Variants in TMEM94 observed in about 807,000 individuals in gnomAD.
The protein encoded by TMEM94 is ER Mg2+ ATPase.
Under a neutral mutation model 158.6 loss-of-function variants are expected in TMEM94, and 81 were observed. The ratio of observed to expected loss-of-function variants is 0.51; its 90% confidence interval spans 0.43 to 0.61. The LOEUF (loss-of-function observed/expected upper bound fraction) is 0.61, where lower values mean the gene tolerates loss of function less well. Ranked by LOEUF, TMEM94 falls within the 20% of genes least tolerant of loss-of-function variation. The pLI, the probability that TMEM94 is intolerant of heterozygous loss-of-function variation, is 0.00. For synonymous variants in TMEM94, 751 were observed against 730.7 expected (o/e 1.03, Z -0.45); for missense variants, 1,435 against 1,762.0 (o/e 0.81, Z 3.32).
chr17:75,491,753 G>T lies in TMEM94; in HGVS notation c.1449G>T (p.Glu483Asp). The T allele has an allele frequency of 6.2e-7, 1 of 1,614,050 alleles. No homozygotes were observed. The highest frequency in any genetic ancestry group is 1.1e-5 in the South Asian group (1 of 91,088). ...SLNNTLHLSNEQERGDWPGEA... is the reference protein window; with the variant it reads ...SLNNTLHLSNDQERGDWPGEA... ...ACAACACCCTGCACCTTTCCAATGA[G>T]CAGGAGCGTGGCGACTGGCCTGGCG... is the stretch of plus-strand genomic sequence containing the variant. The change falls in exon 14 of 32, where the codon GAG becomes GAT. Residue 483 changes from glutamate (E) to aspartate (D), a missense_variant. Transcript: ENST00000314256. This position sits in a 1 kb window ranked among gnomAD's most constrained non-coding sequence, Gnocchi z 5.1.
Position 75,494,597 on chromosome 17 carries a change from C to G in TMEM94, c.2408-30C>G, listed in dbSNP as rs144257413. 4 of 1,606,608 alleles carry G rather than the reference C, an allele frequency of 2.5e-6. No individual in the cohort carries two copies. In the African/African-American group the frequency reaches 4.0e-5, roughly 16 times the overall value. On this transcript the variant is annotated intron_variant, in intron 18 of 31. Coordinates refer to ENST00000314256, the MANE Select transcript of TMEM94 (RefSeq NM_014738.6). Reference sequence around the variant, plus strand: ...TGGGCTGGTTCCTGGGTGTCCTGATCGGGCTGTGTCCTGTGTGTCCTGCCT... The same window carrying G: ...TGGGCTGGTTCCTGGGTGTCCTGATGGGGCTGTGTCCTGTGTGTCCTGCCT...
intron 2 of TMEM94, among the ~76,000 whole-genome samples, chr17:75,482,390 C>T (rs2051233149): frequency 6.6e-6 from 1 of 151,812 alleles, no homozygotes; most frequent in Non-Finnish European, 1.5e-5. Flanking sequence ...TGAGTGTAGT[C>T]CCAGCCACTC....
chr17:75,464,685 TTCTTTC>T (rs1293458047), intron 1 of TMEM94, among the ~76,000 whole-genome samples: 2 of 68,740 alleles, frequency 2.9e-5, no homozygotes, highest in Non-Finnish European at 9.0e-5. Context: ...CCTTCTTTCT[TTCTTTC>T]TTTCTTTCTT....
Position 75,485,324 on chromosome 17 carries a change from A to T in TMEM94, c.25-104A>T. 6 of 1,333,756 alleles carry T rather than the reference A, an allele frequency of 4.5e-6. No individual in the cohort carries two copies. Among genetic ancestry groups the T allele is most frequent in the Non-Finnish European group, 6.2e-6 (6 of 967,510 alleles). The allele number at this position is 1,333,756 out of a possible 1,614,324, so 82.6% of individuals were successfully genotyped here. A position where few individuals can be genotyped will look rare whatever the true frequency, so the allele number is the denominator to read the frequency against. On this transcript the variant is annotated intron_variant, in intron 2 of 31. Coordinates refer to ENST00000314256, the MANE Select transcript of TMEM94 (RefSeq NM_014738.6). The surrounding 1 kb of genome is among the most constrained non-coding windows in gnomAD (Gnocchi z 5.5). ...AGGGGAAGAGATGTGAGGATCCCAG[A>T]GGAGGGGAAGGATGAAGGGCCAGGG...
Position 75,493,572 on chromosome 17 carries a change from A to G in TMEM94, c.2168A>G (p.Tyr723Cys). 1.2e-6 allele frequency: 2 copies of G among 1,613,818 alleles called. No individual in the cohort carries two copies. The highest frequency in any genetic ancestry group is 1.7e-6 in the Non-Finnish European group (2 of 1,179,986). Residue 723 changes from tyrosine (Y) to cysteine (C), a missense_variant, in exon 17 of 32, where the codon TAC becomes TGC. Tyr to Cys is a radical substitution (Grantham distance 194). Around this residue, in one of 3 missense-constraint regions of TMEM94, gnomAD observed 1,051 missense variants for 1,254.4 expected, o/e 0.84. Transcript: ENST00000314256. ...GACTTCTGGGACGGAGCTGACATCT[A>G]CCCTCTCTCGGGATCTGACAGGTGG... ...CTDFWDGADI[Y>C]PLSGSDRKKV...
Position 75,471,923 on chromosome 17 carries a change from G to A in TMEM94, c.18G>A (p.Lys6=), listed in dbSNP as rs201448208. ...CTTGGCCCATGGACCTGAAGGAGAAGCACCTGGTAGGCCATATCCTATTAC... is the reference window on the plus strand; with the variant it reads ...CTTGGCCCATGGACCTGAAGGAGAAACACCTGGTAGGCCATATCCTATTAC... MDLKE[K]HLGEPPSALG... The change falls in exon 2 of 32, where the codon AAG becomes AAA. Residue 6 remains lysine (K), a synonymous_variant. Transcript: ENST00000314256. 2.5e-5 allele frequency: 40 copies of A among 1,613,880 alleles called. No individual in the cohort carries two copies. The Admixed American group carries it at 6.5e-4, about 26-fold the overall frequency.
At position 75,470,920 on chromosome 17, in the gene TMEM94, A is replaced by AAAT. The variant is rs34433342; in HGVS notation, c.-106-856_-106-854dup. 1.7e-3 allele frequency among the ~76,000 whole-genome samples: 245 copies of AAAT among 146,098 alleles called. 5 individuals are homozygous for AAAT. The highest frequency in any genetic ancestry group is 0.014 in the Admixed American group (206 of 14,606). On this transcript the variant is annotated intron_variant, in intron 1 of 31. Coordinates refer to ENST00000314256, the MANE Select transcript of TMEM94 (RefSeq NM_014738.6). The stretch of plus-strand genomic sequence containing the variant: ...GGCAACAGAGCGAGACTCTGTCTCA[A>AAAT]AATAATAATAATAATAATAATAATA...
chr17:75,494,634 CG>C lies in TMEM94; in HGVS notation c.2419del (p.Glu807ArgfsTer12). On this transcript the variant is annotated frameshift_variant, in exon 19 of 32. Transcript: ENST00000314256. LOFTEE classifies it high-confidence loss of function. ...RSSWSSDEGI[G>X]EVLEKEDCMQ... is the part of the protein sequence containing the mutation. ...TGTGTGTCCTGCCTGAAGAAGGGAT[CG>C]GGGAGGTGCTGGAGAAGGAAGACTG... is the stretch of plus-strand genomic sequence containing the variant. The C allele has an allele frequency of 1.2e-6, 2 of 1,613,168 alleles. No homozygotes were observed. The highest frequency in any genetic ancestry group is 1.7e-6 in the Non-Finnish European group (2 of 1,179,872).
At chr17:75,468,853 C>T (rs1376770689) in intron 1 of TMEM94, among the ~76,000 whole-genome samples, 1 of 152,164 alleles carries the variant, frequency 6.6e-6, no homozygotes, top group Non-Finnish European at 1.5e-5. Flanking sequence ...CACCCCTTGA[C>T]AAGGCTTGCT....
rs373739190 is a variant in TMEM94 at position 75,489,228 on chromosome 17, C to G, written c.765-38C>G. 1.4e-5 allele frequency: 22 copies of G among 1,594,542 alleles called. No individual in the cohort carries two copies. The highest frequency in any genetic ancestry group is 1.8e-5 in the Non-Finnish European group (21 of 1,162,398). On this transcript the variant is annotated intron_variant, in intron 7 of 31. Transcript: ENST00000314256. The surrounding 1 kb of genome is among the most constrained non-coding windows in gnomAD (Gnocchi z 5.0). The stretch of plus-strand genomic sequence containing the variant: ...CTCCCAAGGTGTAGGTTTCTAGCCT[C>G]TCTGCCAAGTGAGACTGACAGTCAC...
At position 75,495,435 on chromosome 17, in the gene TMEM94, G is replaced by A; in HGVS notation, c.2844+36G>A. 6.3e-7 allele frequency: 1 copy of A among 1,595,454 alleles called. No individual in the cohort carries two copies. The highest frequency in any genetic ancestry group is 1.7e-4 in the Middle Eastern group (1 of 6,026). ...AGGATCTGTCTCACGTGTTCCTGTA[G>A]TGGTCCCATAGCTGGTCCAGGGGAG... is the stretch of plus-strand genomic sequence containing the variant. On this transcript the variant is annotated intron_variant, in intron 21 of 31. Coordinates refer to ENST00000314256, the MANE Select transcript of TMEM94 (RefSeq NM_014738.6). The surrounding 1 kb of genome is among the most constrained non-coding windows in gnomAD (Gnocchi z 5.6).
chr17:75,494,256 C>T (rs1414397151), intron 18 of TMEM94, among the ~76,000 whole-genome samples: 1 of 152,228 alleles, frequency 6.6e-6, no homozygotes, highest in Admixed American at 6.5e-5. Context: ...AGGTCTGTCA[C>T]CCTGCTGGTG....
chr17:75,489,423 CG>C lies in TMEM94; in HGVS notation c.867+62del, dbSNP rs767758359. On this transcript the variant is annotated intron_variant, in intron 8 of 31. Transcript: ENST00000314256. The surrounding 1 kb of genome is among the most constrained non-coding windows in gnomAD (Gnocchi z 5.0). ...ATGGGGCAGAGGAGAGGGCTGGACA[CG>C]GGGGGGTCTCAGGGCCACTCACATG... The C allele has an allele frequency of 2.2e-5, 35 of 1,563,498 alleles. No homozygotes were observed. The highest frequency in any genetic ancestry group is 6.7e-5 in the East Asian group (3 of 44,588).
intron 1 of TMEM94, among the ~76,000 whole-genome samples, chr17:75,462,010 T>TTTTTTTTTTTTTTTTTTTTTTTTA (rs2050093912): frequency 1.1e-5 from 1 of 93,926 alleles, no homozygotes; most frequent in Non-Finnish European, 2.1e-5. Flanking sequence ...TGTTTTGTTT[T>TTTTTTTTTTTTTTTTTTTTTTTTA]GTTTTTTTTT....
intron 2 of TMEM94, among the ~76,000 whole-genome samples, chr17:75,475,796 C>T (rs756913460): frequency 7.9e-5 from 12 of 152,162 alleles, no homozygotes; most frequent in East Asian, 1.9e-4. Flanking sequence ...GCTGCTGGCC[C>T]GGCTCTTCCC....
chr17:75,468,134 T>C (rs770773938), intron 1 of TMEM94, among the ~76,000 whole-genome samples: 2 of 152,182 alleles, frequency 1.3e-5, no homozygotes, highest in Non-Finnish European at 2.9e-5. Flanking sequence ...CCGGGGATAT[T>C]TGGCTTTGAA....
chr17:75,490,555 C>A, intron 10 of TMEM94, 147 bp from the exon 11 acceptor site: 1 of 870,138 alleles, frequency 1.1e-6, no homozygotes, highest in Non-Finnish European at 1.8e-6. Context: ...GCCCTGGCTT[C>A]CACCAGGTGG....
Position 75,495,241 on chromosome 17 carries a change from G to A in TMEM94, c.2729-43G>A. The A allele has an allele frequency of 6.6e-7, 1 of 1,511,858 alleles. No homozygotes were observed. Among genetic ancestry groups the A allele is most frequent in the Non-Finnish European group, 9.0e-7 (1 of 1,106,918 alleles). The allele number at this position is 1,511,858 out of a possible 1,614,324, so 93.7% of individuals were successfully genotyped here. A position where few individuals can be genotyped will look rare whatever the true frequency, so the allele number is the denominator to read the frequency against. On this transcript the variant is annotated intron_variant, in intron 20 of 31. Transcript: ENST00000314256. This position sits in a 1 kb window ranked among gnomAD's most constrained non-coding sequence, Gnocchi z 5.6. ...TCTGCAGGGCAAGGACAGGTTCCCA[G>A]AAGGCTGGTCCCAAGGTGAGGGAGA...
At chr17:75,490,100 T>G in intron 9 of TMEM94, 134 bp from the exon 10 acceptor site, 1 of 1,220,868 alleles carries the variant, frequency 8.2e-7, no homozygotes, top group Non-Finnish European at 1.1e-6. Context: ...AAAGAACACC[T>G]CTTTCCCTTC....
Sources: allele counts gnomAD v4.1 joint callset (sites outside exome capture counted in the v4.1 genomes callset), GRCh38; gene constraint gnomAD v4.1.1; regional missense constraint gnomAD v4.1.1; non-coding constraint Gnocchi (gnomAD v3.1); transcripts MANE v1.5; gene names NCBI Gene and HGNC (gene_info 2026-07-23, HGNC 2026-07-21).